ABHD14A: variants seen among roughly 807,000 people sequenced by gnomAD.
The protein encoded by ABHD14A is protein ABHD14A.
Under a neutral mutation model 27.0 loss-of-function variants are expected in ABHD14A, and 19 were observed. That is an observed-to-expected ratio of 0.70 (90% CI 0.49 to 1.03). The LOEUF is 1.03. Among genes scored for constraint, ABHD14A ranks in the 50% least tolerant of loss-of-function variants. The pLI, the probability that ABHD14A is intolerant of heterozygous loss-of-function variation, is 0.00. For missense variants in ABHD14A, 311 were observed against 344.6 expected, an observed-to-expected ratio of 0.90 and a Z score of 0.77; for synonymous variants, 148 against 158.8, an observed-to-expected ratio of 0.93 and a Z score of 0.51.
chr3:51,979,838 A>G (rs1205508669), intron 3 of ABHD14A, among the ~76,000 whole-genome samples: 1 of 151,952 alleles, frequency 6.6e-6, no homozygotes, highest in Non-Finnish European at 1.5e-5. Context: ...CAAAAACACT[A>G]TATGGATTTA....
rs1348053252 is a variant in ABHD14A at position 51,980,051 on chromosome 3, T to C, written c.398-342T>C. ...CATTCTCCTGCCTCAGCCTCCTGCG[T>C]AGCTGGGACTACAGGTGCCCGCCAC... On this transcript the variant is annotated intron_variant, in intron 3 of 4. Coordinates refer to ENST00000273596, the MANE Select transcript of ABHD14A (RefSeq NM_015407.5). Among the ~76,000 whole-genome samples the C allele has an allele frequency of 7.9e-5, 12 of 152,260 alleles. No individual in the cohort carries two copies. In the East Asian group the frequency reaches 1.5e-3, roughly 20 times the overall value.
chr3:51,980,935 C>T lies in ABHD14A; in HGVS notation c.733C>T (p.Arg245Cys), dbSNP rs758679870. 1.1e-5 allele frequency: 18 copies of T among 1,614,054 alleles called. No homozygotes were observed. The highest frequency in any genetic ancestry group is 6.7e-5 in the East Asian group (3 of 44,894). Residue 245 changes from arginine to cysteine, a missense_variant, in exon 5 of 5, where the codon CGC (arginine) becomes TGC (cysteine). Physicochemically the swap from Arg to Cys is radical, Grantham distance 180. Coordinates refer to ENST00000273596, the MANE Select transcript of ABHD14A (RefSeq NM_015407.5). Reference protein sequence around the residue: ...HLPNHSVVKLRNAGHACYLHK... With the variant: ...HLPNHSVVKLCNAGHACYLHK... ...GCCCAACCACTCTGTGGTGAAGCTA[C>T]GCAATGCAGGCCATGCCTGTTACCT...
In ABHD14A at chr3:51,975,127, G is replaced by C; in HGVS notation, c.-9G>C. 7.7e-7 allele frequency: 1 copy of C among 1,293,708 alleles called. No homozygotes were observed. The highest frequency in any genetic ancestry group is 9.8e-7 in the Non-Finnish European group (1 of 1,020,750). 80.1% of individuals were successfully genotyped at this position (1,293,708 alleles called of 1,614,324 possible). ...AGCCGGAGCGGCCCGCGGAGCTGCGGAGGCAGCCATGGTCGGGGCGCTGTG... is the reference window on the plus strand; with the variant it reads ...AGCCGGAGCGGCCCGCGGAGCTGCGCAGGCAGCCATGGTCGGGGCGCTGTG... On this transcript the variant is annotated 5_prime_UTR_variant, in exon 1 of 5. Transcript: ENST00000273596.
intron 3 of ABHD14A, chr3:51,979,007 TA>T (rs1559775506): frequency 4.3e-6 from 1 of 232,608 alleles, no homozygotes; most frequent in Non-Finnish European, 9.2e-6. Context: ...CATAGAGGAT[TA>T]AAAAATACTA....
intron 1 of ABHD14A, among the ~76,000 whole-genome samples, 175 bp from the exon 2 acceptor site, chr3:51,977,696 C>T (rs955357164): frequency 3.9e-5 from 6 of 152,216 alleles, no homozygotes; most frequent in African/African-American, 1.4e-4. Flanking sequence ...GAGCGCTTGC[C>T]CTGGCATGTG....
In ABHD14A at chr3:51,975,178, GC is replaced by G. The variant is rs1374015336; in HGVS notation, c.46del (p.Arg16AlafsTer15). ...CGGCTGCTGGTTCCGCCTGGGCGGG[GC>G]CCGCCCGCTCATCCCGTTGGGCCCG... ...LCGCWFRLGG[A>X]RPLIPLGPTV... On this transcript the variant is annotated frameshift_variant, in exon 1 of 5. Coordinates refer to ENST00000273596, the MANE Select transcript of ABHD14A (RefSeq NM_015407.5). LOFTEE classifies it high-confidence loss of function. The G allele has an allele frequency of 2.3e-6, 3 of 1,277,266 alleles. No homozygotes were observed. Among genetic ancestry groups the G allele is most frequent in the Non-Finnish European group, 3.0e-6 (3 of 1,011,506 alleles). 79.1% of individuals were successfully genotyped at this position (1,277,266 alleles called of 1,614,324 possible). A position where few individuals can be genotyped will look rare whatever the true frequency, so the allele number is the denominator to read the frequency against.
At chr3:51,976,387 G>C (rs1700788620) in intron 1 of ABHD14A, among the ~76,000 whole-genome samples, 1 of 152,212 alleles carries the variant, frequency 6.6e-6, no homozygotes, top group Non-Finnish European at 1.5e-5. Flanking sequence ...ACTCAATAAA[G>C]ATGTGCTGGC....
Position 51,975,177 on chromosome 3 carries a change from G to A in ABHD14A, c.42G>A (p.Gly14=). The change falls in exon 1 of 5, where the codon GGG becomes GGA. Residue 14 remains glycine, a synonymous_variant. Coordinates refer to ENST00000273596, the MANE Select transcript of ABHD14A (RefSeq NM_015407.5). ...ALCGCWFRLG[G]ARPLIPLGPT... Reference sequence around the variant, plus strand: ...GCGGCTGCTGGTTCCGCCTGGGCGGGGCCCGCCCGCTCATCCCGTTGGGCC... The same window carrying A: ...GCGGCTGCTGGTTCCGCCTGGGCGGAGCCCGCCCGCTCATCCCGTTGGGCC... The A allele has an allele frequency of 1.6e-6, 2 of 1,277,984 alleles. No individual in the cohort carries two copies. The highest frequency in any genetic ancestry group is 2.0e-6 in the Non-Finnish European group (2 of 1,011,898). 79.2% of individuals were successfully genotyped at this position (1,277,984 alleles called of 1,614,324 possible).
intron 3 of ABHD14A, among the ~76,000 whole-genome samples, chr3:51,980,090 T>A (rs1700881927): frequency 6.6e-6 from 1 of 152,044 alleles, no homozygotes; most frequent in African/African-American, 2.4e-5. Flanking sequence ...GCCTGGCTAA[T>A]TTTTTGTATT....
Position 51,977,855 on chromosome 3 carries a change from TC to T in ABHD14A, c.70-14del. The stretch of plus-strand genomic sequence containing the variant: ...ACTCAGTTCCAGCCTCTTTTCCCTC[TC>T]CTCTCCCTCTCCAGACTGTGGTACA... On this transcript the variant is annotated splice_polypyrimidine_tract_variant and intron_variant, in intron 1 of 4. Coordinates refer to ENST00000273596, the MANE Select transcript of ABHD14A (RefSeq NM_015407.5). 1 of 1,602,684 alleles carries T rather than the reference TC, an allele frequency of 6.2e-7. No homozygotes were observed. Among genetic ancestry groups the T allele is most frequent in the Admixed American group, 1.7e-5 (1 of 59,848 alleles).
intron 3 of ABHD14A, 100 bp downstream of exon 3, chr3:51,978,474 G>GT: frequency 1.3e-6 from 1 of 748,522 alleles, no homozygotes; most frequent in Middle Eastern, 3.3e-4. Flanking sequence ...ACAACATAAG[G>GT]TGGCACCATG....
In ABHD14A at chr3:51,975,235, G is replaced by A. The variant is rs562994123; in HGVS notation, c.69+31G>A. 2.1e-4 allele frequency: 261 copies of A among 1,251,398 alleles called. No individual in the cohort carries two copies. In the African/African-American group the frequency reaches 3.7e-3, roughly 18 times the overall value. 77.5% of individuals were successfully genotyped at this position (1,251,398 alleles called of 1,614,324 possible). On this transcript the variant is annotated intron_variant, in intron 1 of 4. Coordinates refer to ENST00000273596, the MANE Select transcript of ABHD14A (RefSeq NM_015407.5). ...TCTCCCGGGGGAGGGAGGCCGGCCG[G>A]TGGCCCAGGGGAGGGCCGTCTTTAC...
chr3:51,978,057 G>A lies in ABHD14A; in HGVS notation c.256G>A (p.Val86Met), dbSNP rs1172074879. Residue 86 changes from valine (V) to methionine (M), a missense_variant, in exon 2 of 5, where the codon GTG (valine) becomes ATG (methionine). Val to Met is a conservative substitution (Grantham distance 21). Transcript: ENST00000273596. ...PGNSPIFYRE[V>M]LPLNQAHRVE... ...CAACTCGCCCATCTTTTACCGCGAG[G>A]TGCTCCCACTCAACCAGGCACACAG... 6.2e-7 allele frequency: 1 copy of A among 1,613,846 alleles called. No homozygotes were observed. Among genetic ancestry groups the A allele is most frequent in the Non-Finnish European group, 8.5e-7 (1 of 1,179,986 alleles).
At chr3:51,976,104 C>T (rs944714696) in intron 1 of ABHD14A, among the ~76,000 whole-genome samples, 2 of 152,250 alleles carry the variant, frequency 1.3e-5, no homozygotes, top group African/African-American at 4.8e-5. Flanking sequence ...AGGAAATGTC[C>T]CTCGCGCCCG....
At position 51,980,638 on chromosome 3, in the gene ABHD14A, G is replaced by A; in HGVS notation, c.633+10G>A. 2 of 1,610,954 alleles carry A rather than the reference G, an allele frequency of 1.2e-6. No homozygotes were observed. The highest frequency in any genetic ancestry group is 1.7e-6 in the Non-Finnish European group (2 of 1,177,964). On this transcript the variant is annotated intron_variant, in intron 4 of 4. Transcript: ENST00000273596. ...ATTCTGGGCTGTGAAGGTACTGGGAGAAGGATCTCAAAGGTCCTGGCACCC... is the reference window on the plus strand; with the variant it reads ...ATTCTGGGCTGTGAAGGTACTGGGAAAAGGATCTCAAAGGTCCTGGCACCC...
chr3:51,979,017 TA>T (rs1700851885), intron 3 of ABHD14A: 1 of 229,204 alleles, frequency 4.4e-6, no homozygotes, highest in Non-Finnish European at 9.4e-6. Flanking sequence ...TAAAAAATAC[TA>T]AAAAATAGCA....
At position 51,977,959 on chromosome 3, in the gene ABHD14A, C is replaced by G. The variant is rs1700821936; in HGVS notation, c.158C>G (p.Pro53Arg). The change falls in exon 2 of 5, where the codon CCA becomes CGA. Residue 53 changes from proline to arginine, a missense_variant. Physicochemically the swap from Pro to Arg is moderately radical, Grantham distance 103 (BLOSUM62 -2). Transcript: ENST00000273596. ...LLMLLLYVGL[P>R]GPPEQTSCLW... ...ATGCTCCTACTGTATGTGGGGCTGC[C>G]AGGCCCCCCTGAGCAGACTTCCTGC... The G allele has an allele frequency of 1.2e-6, 2 of 1,614,010 alleles. No homozygotes were observed. Among genetic ancestry groups the G allele is most frequent in the Non-Finnish European group, 1.7e-6 (2 of 1,180,036 alleles).
chr3:51,979,757 C>T (rs1325796060), intron 3 of ABHD14A, among the ~76,000 whole-genome samples: 1 of 151,884 alleles, frequency 6.6e-6, no homozygotes, highest in Non-Finnish European at 1.5e-5. Context: ...GCTGGGATTA[C>T]AGGCATGAGC....
rs943043833 is a variant in ABHD14A at position 51,975,174 on chromosome 3, C to T, written c.39C>T (p.Gly13=). 5 of 1,278,122 alleles carry T rather than the reference C, an allele frequency of 3.9e-6. No individual in the cohort carries two copies. The highest frequency in any genetic ancestry group is 3.1e-5 in the African/African-American group (2 of 64,652). 79.2% of individuals were successfully genotyped at this position (1,278,122 alleles called of 1,614,324 possible). The change falls in exon 1 of 5, where the codon GGC becomes GGT. Residue 13 remains glycine (G), a synonymous_variant. Coordinates refer to ENST00000273596, the MANE Select transcript of ABHD14A (RefSeq NM_015407.5). ...GALCGCWFRL[G]GARPLIPLGP... ...TGTGCGGCTGCTGGTTCCGCCTGGG[C>T]GGGGCCCGCCCGCTCATCCCGTTGG...
Sources: gnomAD v4.1 joint callset for allele counts (sites outside exome capture counted in the v4.1 genomes callset) on GRCh38, gnomAD v4.1.1 for gene constraint, MANE v1.5 for transcripts, NCBI Gene and HGNC (gene_info 2026-07-23, HGNC 2026-07-21) for gene names.